Variants in DHX32 observed in about 807,000 individuals in gnomAD.
The protein encoded by DHX32 is DEAH-box helicase 32 (putative).
In DHX32, 51 loss-of-function variants were observed where a neutral mutation model predicts 70.0. That is an observed-to-expected ratio of 0.73 (90% CI 0.58 to 0.92). The LOEUF (loss-of-function observed/expected upper bound fraction) is 0.92, where lower values mean the gene tolerates loss of function less well. DHX32 is among the 40% of genes least tolerant of loss of function. The probability of loss-of-function intolerance (pLI) is 0.00; values close to 1 mark genes in which losing one functional copy is unlikely to be tolerated. For missense variants in DHX32, 762 were observed against 891.8 expected (o/e 0.85, Z 1.85); for synonymous variants, 310 against 315.3 (o/e 0.98, Z 0.18).
Position 125,838,265 on chromosome 10 carries a change from A to G in DHX32, c.2004T>C (p.His668=). 1 of 1,613,526 alleles carries G rather than the reference A, an allele frequency of 6.2e-7. No homozygotes were observed. Among genetic ancestry groups the G allele is most frequent in the Non-Finnish European group, 8.5e-7 (1 of 1,179,880 alleles). Residue 668 remains histidine (H), a synonymous_variant, in exon 10 of 11, where the codon CAT becomes CAC. Coordinates refer to ENST00000284690, the MANE Select transcript of DHX32 (RefSeq NM_018180.3). ...AGTTGTTCTCAGAAATGCTGAATTT[A>G]TGGAAGAGGACCCACTCTGGCATCT... ...TKKMPEWVLF[H]KFSISENNYI... is the part of the protein sequence containing the mutation.
intron 1 of DHX32, among the ~76,000 whole-genome samples, chr10:125,892,244 C>T (rs1327887161): frequency 1.2e-4 from 19 of 152,290 alleles, no homozygotes; most frequent in Non-Finnish European, 2.1e-4. Context: ...GTGGCCCCTC[C>T]TTCTTATTCC....
intron 6 of DHX32, chr10:125,842,429 A>C (rs191560576): frequency 1.3e-5 from 2 of 152,994 alleles, no homozygotes; most frequent in African/African-American, 4.8e-5. Flanking sequence ...TGGTGCTGAC[A>C]CAGGACCTAG....
Position 125,864,929 on chromosome 10 carries a change from CAAAAAAAAAAAAAAAAAAA to C in DHX32, c.476+2042_476+2060del, listed in dbSNP as rs61570718. Among the ~76,000 whole-genome samples the C allele has an allele frequency of 3.7e-4, 20 of 54,220 alleles. No individual in the cohort carries two copies. In the East Asian group the frequency reaches 6.9e-3, roughly 19 times the overall value. 35.6% of individuals were successfully genotyped at this position (54,220 alleles called of 152,430 possible). On this transcript the variant is annotated intron_variant, in intron 2 of 10. Transcript: ENST00000284690. Reference sequence around the variant, plus strand: ...TGGGAGACAGAGTGGGACTCTGTCTCAAAAAAAAAAAAAAAAAAAAAAAAAAAAAAAAAAAAAAGAAAGA... The same window carrying C: ...TGGGAGACAGAGTGGGACTCTGTCTCAAAAAAAAAAAAAAAAAAAGAAAGA...
chr10:125,889,132 T>C (rs1213921619), intron 1 of DHX32, among the ~76,000 whole-genome samples: 2 of 152,216 alleles, frequency 1.3e-5, no homozygotes, highest in Non-Finnish European at 2.9e-5. Context: ...ATTGAAATCT[T>C]TGGAACCAAC....
intron 1 of DHX32, among the ~76,000 whole-genome samples, chr10:125,886,300 A>G (rs897941192): frequency 6.6e-6 from 1 of 152,182 alleles, no homozygotes; most frequent in Non-Finnish European, 1.5e-5. Context: ...CACACTCCCA[A>G]AAACCACTTC....
At chr10:125,882,822 G>T (rs1278670314), upstream of DHX32, among the ~76,000 whole-genome samples, 2 of 152,104 alleles carry the variant, frequency 1.3e-5, no homozygotes, top group Non-Finnish European at 2.9e-5. Flanking sequence ...AGCTAATTCT[G>T]GGAAGGTATC....
rs2134073850 is a variant in DHX32, at chr10:125,880,831, T to C, written c.-7A>G. The C allele has an allele frequency of 6.2e-7, 1 of 1,607,630 alleles. No individual in the cohort carries two copies. The highest frequency in any genetic ancestry group is 1.1e-5 in the South Asian group (1 of 89,744). On this transcript the variant is annotated 5_prime_UTR_variant, in exon 1 of 11. Coordinates refer to ENST00000284690, the MANE Select transcript of DHX32 (RefSeq NM_018180.3). ...CCAGCCCTTCTTCTTCCATCTTGTCTGACAGTGAGCTCACGCAGCTGACAT... is the reference window on the plus strand; with the variant it reads ...CCAGCCCTTCTTCTTCCATCTTGTCCGACAGTGAGCTCACGCAGCTGACAT...
Position 125,866,958 on chromosome 10 carries a change from A to C in DHX32, c.476+32T>G. 1 of 1,589,742 alleles carries C rather than the reference A, an allele frequency of 6.3e-7. No homozygotes were observed. Among genetic ancestry groups the C allele is most frequent in the Non-Finnish European group, 8.6e-7 (1 of 1,165,334 alleles). On this transcript the variant is annotated intron_variant, in intron 2 of 10. Transcript: ENST00000284690. This position sits in a 1 kb window ranked among gnomAD's most constrained non-coding sequence, Gnocchi z 4.8. Reference sequence around the variant, plus strand: ...TGTAGAACCTAAGCCAAGAATCATCAGCAGGGAGCGGACTGAACCCCACAA... The same window carrying C: ...TGTAGAACCTAAGCCAAGAATCATCCGCAGGGAGCGGACTGAACCCCACAA...
At chr10:125,876,294 T>A (rs1944283569) in intron 1 of DHX32, among the ~76,000 whole-genome samples, 3 of 152,240 alleles carry the variant, frequency 2.0e-5, no homozygotes, top group South Asian at 4.1e-4. Context: ...CTGTCTGCTG[T>A]TTAGCCAGCT....
intron 1 of DHX32, among the ~76,000 whole-genome samples, chr10:125,894,322 C>T (rs75000863): frequency 6.6e-6 from 1 of 152,140 alleles, no homozygotes; most frequent in African/African-American, 2.4e-5. Context: ...GCCCTTCTCA[C>T]TCATTCAACA....
At chr10:125,860,717 A>G (rs1184864529) in intron 2 of DHX32, among the ~76,000 whole-genome samples, 2 of 145,494 alleles carry the variant, frequency 1.4e-5, no homozygotes, top group Non-Finnish European at 3.0e-5. Flanking sequence ...CTATTTACAT[A>G]TTTACCTGTA....
At chr10:125,890,072 T>C (rs1944360900) in intron 1 of DHX32, among the ~76,000 whole-genome samples, 1 of 152,306 alleles carries the variant, frequency 6.6e-6, no homozygotes, top group South Asian at 2.1e-4. Flanking sequence ...CCAGACTACA[T>C]TTTTAAAAAT....
At chr10:125,849,741 T>G (rs1397670563) in intron 6 of DHX32, among the ~76,000 whole-genome samples, 1 of 152,210 alleles carries the variant, frequency 6.6e-6, no homozygotes, top group Non-Finnish European at 1.5e-5. Flanking sequence ...AAATGTTATA[T>G]ATAGTATAGT....
At chr10:125,857,652 TTGA>T (rs1564827558) in intron 3 of DHX32, among the ~76,000 whole-genome samples, 2 of 152,234 alleles carry the variant, frequency 1.3e-5, no homozygotes, top group African/African-American at 4.8e-5. Context: ...TGTTCTAAAG[TTGA>T]CAGTTCAAAA....
chr10:125,872,003 C>T (rs1944259066), intron 1 of DHX32, among the ~76,000 whole-genome samples: 1 of 152,078 alleles, frequency 6.6e-6, no homozygotes, highest in African/African-American at 2.4e-5. Context: ...GCTGGGATTA[C>T]AGGCACGCAC....
At chr10:125,841,319 T>C (rs1854873721) in intron 7 of DHX32, 2 of 1,614,072 alleles carry the variant, frequency 1.2e-6, no homozygotes, top group Admixed American at 1.7e-5. Context: ...CCAGTTCCGA[T>C]ACAGCACAAT....
At chr10:125,894,777 A>G (rs1589723385) in intron 1 of DHX32, among the ~76,000 whole-genome samples, 2 of 152,430 alleles carry the variant, frequency 1.3e-5, no homozygotes, top group East Asian at 1.9e-4. Context: ...TTAAATCACT[A>G]TCTTGTCACT....
chr10:125,844,608 A>G (rs1191466891), intron 6 of DHX32, among the ~76,000 whole-genome samples: 2 of 152,252 alleles, frequency 1.3e-5, no homozygotes, highest in South Asian at 2.1e-4. Flanking sequence ...TGCTAATATT[A>G]TATTCTGCAT....
chr10:125,862,791 A>C (rs912454947), intron 2 of DHX32, among the ~76,000 whole-genome samples: 2 of 152,104 alleles, frequency 1.3e-5, no homozygotes, highest in South Asian at 4.1e-4. Context: ...GGAGTCCCAC[A>C]TTACAGTGAG....
Sources: allele counts gnomAD v4.1 joint callset (sites outside exome capture counted in the v4.1 genomes callset), GRCh38; gene constraint gnomAD v4.1.1; non-coding constraint Gnocchi (gnomAD v3.1); transcripts MANE v1.5; gene names NCBI Gene and HGNC (gene_info 2026-07-23, HGNC 2026-07-21).